RTN4IP1: variants seen among roughly 807,000 people sequenced by gnomAD.
RTN4IP1 encodes NAD(P)H oxidoreductase RTN4IP1, mitochondrial.
RTN4IP1 carries 32 observed loss-of-function variants against 46.6 expected under a neutral mutation model. That is an observed-to-expected ratio of 0.69 (90% CI 0.52 to 0.92). The LOEUF (loss-of-function observed/expected upper bound fraction) is 0.92. Among genes scored for constraint, RTN4IP1 ranks in the 40% least tolerant of loss-of-function variants. The pLI is 0.00. For missense variants in RTN4IP1, 424 were observed against 485.8 expected, an observed-to-expected ratio of 0.87 and a Z score of 1.20; for synonymous variants, 167 against 161.8, an observed-to-expected ratio of 1.03 and a Z score of -0.24.
intron 5 of RTN4IP1, among the ~76,000 whole-genome samples, chr6:106,600,285 GT>G (rs1775910334): frequency 6.6e-6 from 1 of 151,814 alleles, no homozygotes; most frequent in Non-Finnish European, 1.5e-5. Context: ...TCCTGAGAGA[GT>G]CTTAATCAAG....
chr6:106,597,349 A>G (rs1205610176), intron 5 of RTN4IP1, among the ~76,000 whole-genome samples: 4 of 151,850 alleles, frequency 2.6e-5, no homozygotes, highest in African/African-American at 9.7e-5. Flanking sequence ...CTCTGTTTTT[A>G]TCTTTTTCTG....
Position 106,621,560 on chromosome 6 carries a change from A to G in RTN4IP1, c.427-67T>C, listed in dbSNP as rs558537802. On this transcript the variant is annotated intron_variant, in intron 2 of 8. Transcript: ENST00000369063. ...TATTTTTTGACCGAAGCTAAGCAAG[A>G]AAGTGTTCCCTAATATATACCCTGT... The G allele has an allele frequency of 4.5e-5, 61 of 1,370,576 alleles. No homozygotes were observed. The South Asian group carries it at 6.2e-4, about 14-fold the overall frequency. 84.9% of individuals were successfully genotyped at this position (1,370,576 alleles called of 1,614,324 possible). A position where few individuals can be genotyped will look rare whatever the true frequency, so the allele number is the denominator to read the frequency against.
chr6:106,588,276 T>C (rs535327027), intron 6 of RTN4IP1, among the ~76,000 whole-genome samples: 1 of 152,312 alleles, frequency 6.6e-6, no homozygotes, highest in East Asian at 1.9e-4. Context: ...CTGACTTAAT[T>C]AAGCTTTGTA....
chr6:106,581,422 C>T (rs1775367467), intron 8 of RTN4IP1, among the ~76,000 whole-genome samples: 2 of 152,218 alleles, frequency 1.3e-5, no homozygotes, highest in Non-Finnish European at 2.9e-5. Context: ...TAAGTAAGAT[C>T]TGCTGTGTCA....
chr6:106,599,896 TTTC>T (rs1232090059), intron 5 of RTN4IP1, among the ~76,000 whole-genome samples: 3 of 152,006 alleles, frequency 2.0e-5, no homozygotes, highest in African/African-American at 7.3e-5. Context: ...GCCAAATGGT[TTTC>T]TTAAGTGGCT....
At chr6:106,584,493 C>A (rs1018923138) in intron 7 of RTN4IP1, among the ~76,000 whole-genome samples, 4 of 152,178 alleles carry the variant, frequency 2.6e-5, no homozygotes, top group Non-Finnish European at 1.5e-5. Context: ...TGGCGTGAGG[C>A]TGAAAAATGC....
upstream of RTN4IP1, chr6:106,629,663 C>A (rs1342853267): frequency 6.9e-6 from 11 of 1,601,800 alleles, no homozygotes; most frequent in Non-Finnish European, 9.4e-6. Context: ...CCTGTGGTGG[C>A]AGGCTGGGCA....
chr6:106,579,590 T>C (rs770532352), intron 8 of RTN4IP1, among the ~76,000 whole-genome samples: 1 of 152,012 alleles, frequency 6.6e-6, no homozygotes, highest in Non-Finnish European at 1.5e-5. Context: ...ATTTACTGAG[T>C]GCTGCACTGG....
chr6:106,605,986 G>A (rs1239164529), intron 4 of RTN4IP1, among the ~76,000 whole-genome samples: 8 of 152,166 alleles, frequency 5.3e-5, no homozygotes, highest in South Asian at 2.1e-4. Context: ...AGAAATAAAA[G>A]GCATCCAAAT....
At chr6:106,583,246 C>T (rs1775410309) in intron 8 of RTN4IP1, 82 bp downstream of exon 8, 4 of 1,091,504 alleles carry the variant, frequency 3.7e-6, no homozygotes, top group Non-Finnish European at 5.5e-6. Context: ...AGAGTCCCTA[C>T]TAACGAGGCT....
At chr6:106,597,408 G>A (rs1210398167) in intron 5 of RTN4IP1, among the ~76,000 whole-genome samples, 1 of 152,080 alleles carries the variant, frequency 6.6e-6, no homozygotes, top group Non-Finnish European at 1.5e-5. Context: ...GCAGTGGTGT[G>A]ATCACAGCTC....
chr6:106,599,378 G>T (rs1341944347), intron 5 of RTN4IP1, among the ~76,000 whole-genome samples: 3 of 151,020 alleles, frequency 2.0e-5, no homozygotes. Context: ...GTGTCCCTAA[G>T]CCTCCCAATT....
At chr6:106,596,206 TAAG>T (rs10557776) in intron 5 of RTN4IP1, among the ~76,000 whole-genome samples, 103,592 of 151,738 alleles carry the variant, frequency 0.68, 37,214 homozygotes, top group Non-Finnish European at 0.81. Flanking sequence ...GCTACTTCTC[TAAG>T]AAGCCCTGCC....
intron 8 of RTN4IP1, among the ~76,000 whole-genome samples, chr6:106,574,602 G>A (rs548444717): frequency 6.6e-6 from 1 of 152,290 alleles, no homozygotes; most frequent in Non-Finnish European, 1.5e-5. Flanking sequence ...CCTCCTGTTA[G>A]AACAACTACA....
At position 106,629,039 on chromosome 6, in the gene RTN4IP1, C is replaced by G; in HGVS notation, c.-18G>C. On this transcript the variant is annotated 5_prime_UTR_variant, in exon 1 of 9. Transcript: ENST00000369063. The stretch of plus-strand genomic sequence containing the variant: ...AATTCCATTGTAAACACTGGTTGAA[C>G]TGCGTGCTCAAATTCAAATACACTT... 1 of 1,594,984 alleles carries G rather than the reference C, an allele frequency of 6.3e-7. No individual in the cohort carries two copies. Among genetic ancestry groups the G allele is most frequent in the Non-Finnish European group, 8.5e-7 (1 of 1,169,688 alleles).
chr6:106,594,527 AAAAG>A (rs138167913), intron 5 of RTN4IP1, among the ~76,000 whole-genome samples: 4,973 of 152,002 alleles, frequency 0.033, 264 homozygotes, highest in East Asian at 0.19. Flanking sequence ...AAAAAACAAA[AAAAG>A]AAAGAAAGAA....
rs767069298 is a variant in RTN4IP1 at position 106,583,300 on chromosome 6, T to G, written c.1083+28A>C. The stretch of plus-strand genomic sequence containing the variant: ...GAGGTGCTGTAGAAATACAAAGGCT[T>G]CCAATCCAGGTTTCCAGGTGCACGT... On this transcript the variant is annotated intron_variant, in intron 8 of 8. Coordinates refer to ENST00000369063, the MANE Select transcript of RTN4IP1 (RefSeq NM_032730.5). 14 of 1,586,980 alleles carry G rather than the reference T, an allele frequency of 8.8e-6. No individual in the cohort carries two copies. In the Admixed American group the frequency reaches 1.2e-4, roughly 13 times the overall value.
chr6:106,595,083 T>C (rs1320734239), intron 5 of RTN4IP1, among the ~76,000 whole-genome samples: 1 of 152,222 alleles, frequency 6.6e-6, no homozygotes, highest in African/African-American at 2.4e-5. Context: ...ATTACAGGTG[T>C]GAGCCACTGT....
At chr6:106,581,149 T>G (rs1249112532) in intron 8 of RTN4IP1, among the ~76,000 whole-genome samples, 3 of 152,192 alleles carry the variant, frequency 2.0e-5, no homozygotes, top group African/African-American at 7.2e-5. Flanking sequence ...TCTCAGTGAC[T>G]GAGATATAGC....
Sources: allele counts gnomAD v4.1 joint callset (sites outside exome capture counted in the v4.1 genomes callset), GRCh38; gene constraint gnomAD v4.1.1; transcripts MANE v1.5; gene names NCBI Gene and HGNC (gene_info 2026-07-23, HGNC 2026-07-21).